KLHL1: variants seen among roughly 807,000 people sequenced by gnomAD.
KLHL1 encodes the protein kelch-like protein 1.
Under a neutral mutation model 77.7 loss-of-function variants are expected in KLHL1, and 47 were observed. That is an observed-to-expected ratio of 0.60 (90% confidence interval 0.48 to 0.77). KLHL1 has a LOEUF of 0.77. Ranked by LOEUF, KLHL1 falls within the 30% of genes least tolerant of loss-of-function variation. The pLI is 0.00. For synonymous variants in KLHL1, 360 were observed against 325.2 expected (o/e 1.11, Z -1.15); for missense variants, 925 against 910.8 (o/e 1.02, Z -0.20).
In KLHL1 at chr13:69,714,244, C is replaced by T. The variant is rs143840976; in HGVS notation, c.2015+5125G>A. 3.4e-3 allele frequency among the ~76,000 whole-genome samples: 520 copies of T among 152,168 alleles called. 4 individuals carry two copies. Among genetic ancestry groups the T allele is most frequent in the African/African-American group, 0.011 (468 of 41,540 alleles). On this transcript the variant is annotated intron_variant, in intron 9 of 10. Transcript: ENST00000377844. The stretch of plus-strand genomic sequence containing the variant: ...GAATGGAAAGTTCTATTTTGACTTA[C>T]GTCATATTTTATTACATCAATTTTT...
chr13:69,939,960 G>A, intron 4 of KLHL1, 80 bp downstream of exon 4: 2 of 1,094,398 alleles, frequency 1.8e-6, no homozygotes. Flanking sequence ...TAAAAAACTT[G>A]CTAATGCCAT....
chr13:69,854,815 A>G lies in KLHL1; in HGVS notation c.1228-15653T>C, dbSNP rs79200254. 5.7e-3 allele frequency among the ~76,000 whole-genome samples: 864 copies of G among 152,188 alleles called. 7 individuals are homozygous for G. The highest frequency in any genetic ancestry group is 0.019 in the African/African-American group (781 of 41,574). ...CATTTTTACCACAAAACACTGTTAT[A>G]TGTGAAGGCCATAACTGCCAGAGGT... On this transcript the variant is annotated intron_variant, in intron 5 of 10. Coordinates refer to ENST00000377844, the MANE Select transcript of KLHL1 (RefSeq NM_020866.3).
intron 1 of KLHL1, among the ~76,000 whole-genome samples, chr13:70,105,111 T>A (rs1328187991): frequency 6.6e-6 from 1 of 152,014 alleles, no homozygotes; most frequent in Non-Finnish European, 1.5e-5. Flanking sequence ...TTTTCAATAG[T>A]TTACACATGC....
intron 3 of KLHL1, among the ~76,000 whole-genome samples, chr13:69,959,690 G>GT (rs2137267712): frequency 6.7e-6 from 1 of 149,956 alleles, no homozygotes; most frequent in East Asian, 2.0e-4. Context: ...CCTGAACATT[G>GT]TATCTTTGAA....
At chr13:69,788,405 A>G (rs936521996) in intron 7 of KLHL1, among the ~76,000 whole-genome samples, 3 of 152,116 alleles carry the variant, frequency 2.0e-5, no homozygotes, top group Admixed American at 6.6e-5. Context: ...GCAAACTATC[A>G]CAAGGACAAA....
Position 70,108,264 on chromosome 13 carries a change from G to T in KLHL1, c.-565C>A. 2.6e-6 allele frequency: 1 copy of T among 381,288 alleles called. No individual in the cohort carries two copies. The highest frequency in any genetic ancestry group is 4.6e-6 in the Non-Finnish European group (1 of 215,936). 23.6% of individuals were successfully genotyped at this position (381,288 alleles called of 1,614,324 possible). On this transcript the variant is annotated 5_prime_UTR_variant, in exon 1 of 11. Coordinates refer to ENST00000377844, the MANE Select transcript of KLHL1 (RefSeq NM_020866.3). ...GATCTCTTGGTGCACCTGCGCCCCTGTCCCTGGCCTTTTCGAGGATGCCCC... is the reference window on the plus strand; with the variant it reads ...GATCTCTTGGTGCACCTGCGCCCCTTTCCCTGGCCTTTTCGAGGATGCCCC...
At position 69,882,510 on chromosome 13, in the gene KLHL1, T is replaced by C; in HGVS notation, c.1015-15A>G. Reference sequence around the variant, plus strand: ...ATTATGTTTTCCTGCAGGGAGAAAATATCTTGGCATAAATTCTGTTTCACT... The same window carrying C: ...ATTATGTTTTCCTGCAGGGAGAAAACATCTTGGCATAAATTCTGTTTCACT... On this transcript the variant is annotated splice_polypyrimidine_tract_variant and intron_variant, in intron 4 of 10. Transcript: ENST00000377844. 1 of 1,564,464 alleles carries C rather than the reference T, an allele frequency of 6.4e-7. No homozygotes were observed. The highest frequency in any genetic ancestry group is 8.8e-7 in the Non-Finnish European group (1 of 1,136,026).
intron 1 of KLHL1, among the ~76,000 whole-genome samples, chr13:70,098,521 A>G (rs1264578889): frequency 6.6e-6 from 1 of 151,890 alleles, no homozygotes; most frequent in Admixed American, 6.6e-5. Flanking sequence ...AATTTAAAAA[A>G]ATAAGTAAAT....
rs547521282 is a variant in KLHL1, at chr13:69,867,726, AC to A, written c.1227+14556del. ...AAATATTTTAAATTATCACAATAGT[AC>A]CTTTATTTTCCTATAATTCATTTAT... On this transcript the variant is annotated intron_variant, in intron 5 of 10. Coordinates refer to ENST00000377844, the MANE Select transcript of KLHL1 (RefSeq NM_020866.3). 4.6e-5 allele frequency among the ~76,000 whole-genome samples: 7 copies of A among 151,952 alleles called. No homozygotes were observed. The East Asian group carries it at 1.4e-3, about 29-fold the overall frequency.
chr13:70,033,715 G>T (rs1175776083), intron 1 of KLHL1, among the ~76,000 whole-genome samples: 2 of 141,282 alleles, frequency 1.4e-5, no homozygotes, highest in East Asian at 4.3e-4. Flanking sequence ...CACCTCCCGG[G>T]TTCAAGCTAT....
At position 69,972,236 on chromosome 13, in the gene KLHL1, A is replaced by G. The variant is rs1313888107; in HGVS notation, c.680+3384T>C. 1.2e-4 allele frequency among the ~76,000 whole-genome samples: 18 copies of G among 151,984 alleles called. 1 individual carries two copies. The highest frequency in any genetic ancestry group is 1.2e-3 in the Admixed American group (18 of 15,218). ...ATGTATTTAATGTGGTTTAAGTGCT[A>G]CTAAATGCATCATTTCAATTGTCAC... is the stretch of plus-strand genomic sequence containing the variant. On this transcript the variant is annotated intron_variant, in intron 2 of 10. Coordinates refer to ENST00000377844, the MANE Select transcript of KLHL1 (RefSeq NM_020866.3).
intron 7 of KLHL1, among the ~76,000 whole-genome samples, chr13:69,779,664 C>A (rs992013536): frequency 2.0e-4 from 31 of 151,904 alleles, no homozygotes; most frequent in Admixed American, 4.6e-4. Flanking sequence ...ATATCTTTAT[C>A]AAATCTGCCT....
chr13:69,746,093 T>A (rs1320981092), intron 7 of KLHL1, among the ~76,000 whole-genome samples: 3 of 151,610 alleles, frequency 2.0e-5, no homozygotes, highest in Non-Finnish European at 4.4e-5. Flanking sequence ...GCAATTGGCA[T>A]TTTTAAATTT....
At chr13:69,993,605 T>C (rs1292758295) in intron 1 of KLHL1, among the ~76,000 whole-genome samples, 3 of 152,134 alleles carry the variant, frequency 2.0e-5, no homozygotes, top group Non-Finnish European at 4.4e-5. Flanking sequence ...TCACTCCATG[T>C]TGCCATGCTG....
chr13:69,914,294 G>GT (rs1882345027), intron 4 of KLHL1, among the ~76,000 whole-genome samples: 1 of 151,998 alleles, frequency 6.6e-6, no homozygotes, highest in South Asian at 2.1e-4. Context: ...TTCTACTGGA[G>GT]TTTTACTCAA....
chr13:69,768,341 A>T (rs80216399), intron 7 of KLHL1, among the ~76,000 whole-genome samples: 6,986 of 152,256 alleles, frequency 0.046, 505 homozygotes, highest in African/African-American at 0.16. Context: ...TTATTACATT[A>T]CACAAAGCTT....
At chr13:70,077,999 G>T (rs957535095) in intron 1 of KLHL1, among the ~76,000 whole-genome samples, 4 of 151,866 alleles carry the variant, frequency 2.6e-5, no homozygotes, top group Non-Finnish European at 5.9e-5. Flanking sequence ...TAAAAATCCT[G>T]TACTGGAAAA....
rs1312885296 is a variant in KLHL1, at chr13:70,107,997, C to T, written c.-298G>A. On this transcript the variant is annotated 5_prime_UTR_variant, in exon 1 of 11. Transcript: ENST00000377844. ...AAGCTGAGAATCCTCGATGCCCGCG[C>T]GAGAGCCCCGTGTTATGGCGAGGTG... 2.3e-6 allele frequency: 1 copy of T among 441,124 alleles called. No homozygotes were observed. The highest frequency in any genetic ancestry group is 2.0e-5 in the African/African-American group (1 of 49,502). The allele number at this position is 441,124 out of a possible 1,614,324, so 27.3% of individuals were successfully genotyped here.
At chr13:70,029,072 T>C (rs558629281) in intron 1 of KLHL1, among the ~76,000 whole-genome samples, 1 of 152,274 alleles carries the variant, frequency 6.6e-6, no homozygotes, top group Admixed American at 6.5e-5. Context: ...CGCTATATAA[T>C]GACTGTTTAT....
Sources: allele counts gnomAD v4.1 joint callset (sites outside exome capture counted in the v4.1 genomes callset), GRCh38; gene constraint gnomAD v4.1.1; transcripts MANE v1.5; gene names NCBI Gene and HGNC (gene_info 2026-07-23, HGNC 2026-07-21).